NOXRED1: variants seen among roughly 807,000 people sequenced by gnomAD.
The protein encoded by NOXRED1 is NADP dependent oxidoreductase domain containing 1.
A neutral mutation model predicts 30.4 loss-of-function variants in NOXRED1; 20 were observed. The ratio of observed to expected loss-of-function variants is 0.66; its 90% CI spans 0.46 to 0.96. The LOEUF is 0.96. Among genes scored for constraint, NOXRED1 ranks in the 40% least tolerant of loss-of-function variants. NOXRED1 has a pLI of 0.00. For missense variants in NOXRED1, 374 were observed against 428.0 expected, an observed-to-expected ratio of 0.87 and a Z score of 1.11; for synonymous variants, 155 against 168.0, an observed-to-expected ratio of 0.92 and a Z score of 0.60.
intron 1 of NOXRED1, among the ~76,000 whole-genome samples, chr14:77,419,408 T>C (rs548047494): frequency 6.7e-6 from 1 of 150,202 alleles, no homozygotes; most frequent in Non-Finnish European, 1.5e-5. Flanking sequence ...TTGCAAGAGA[T>C]AGTATTCTTG....
rs559763651 is a variant in NOXRED1 at position 77,412,049 on chromosome 14, C to T, written c.349+1885G>A. Among the ~76,000 whole-genome samples, 460 of 141,396 alleles carry T rather than the reference C, an allele frequency of 3.3e-3. 4 individuals are homozygous for T. The highest frequency in any genetic ancestry group is 0.012 in the African/African-American group (441 of 37,744). 92.8% of individuals were successfully genotyped at this position (141,396 alleles called of 152,430 possible). A position where few individuals can be genotyped will look rare whatever the true frequency, so the allele number is the denominator to read the frequency against. On this transcript the variant is annotated intron_variant, in intron 2 of 5. Transcript: ENST00000380835. ...GGCAGAGGTTGCAGTGAGCCGAGAT[C>T]GTGCTCTCCACGATCTGCACTCCAG...
intron 5 of NOXRED1, among the ~76,000 whole-genome samples, chr14:77,396,405 A>G (rs976581666): frequency 2.0e-5 from 3 of 151,954 alleles, no homozygotes; most frequent in Non-Finnish European, 2.9e-5. Flanking sequence ...ATGCACCACC[A>G]TGCCTGGCTA....
chr14:77,420,368 GT>G (rs67344054), intron 1 of NOXRED1, among the ~76,000 whole-genome samples: 1,818 of 149,078 alleles, frequency 0.012, 24 homozygotes, highest in South Asian at 0.038. Flanking sequence ...GATTTCATCA[GT>G]TTTTTTTTGT....
chr14:77,416,882 C>T (rs1452550326), intron 1 of NOXRED1, among the ~76,000 whole-genome samples: 7 of 151,532 alleles, frequency 4.6e-5, no homozygotes, highest in Non-Finnish European at 8.8e-5. Flanking sequence ...GGCAGAGGGG[C>T]TCCTCACCTC....
At chr14:77,417,980 T>A (rs1433247246) in intron 1 of NOXRED1, among the ~76,000 whole-genome samples, 2 of 152,060 alleles carry the variant, frequency 1.3e-5, no homozygotes, top group African/African-American at 4.8e-5. Flanking sequence ...ATCATAAAAA[T>A]AGTTGTAACA....
intron 5 of NOXRED1, among the ~76,000 whole-genome samples, chr14:77,399,997 C>A (rs778716655): frequency 1.3e-5 from 2 of 151,614 alleles, no homozygotes; most frequent in Non-Finnish European, 2.9e-5. Context: ...AACACCATAC[C>A]CATAGAAAAA....
Position 77,423,092 on chromosome 14 carries a change from T to C in NOXRED1, c.-203A>G, listed in dbSNP as rs181033714. ...TCTCTTGAATTCACACTCTAGAGTG[T>C]GAGTGTTTGAGGATTCCTAATCACT... On this transcript the variant is annotated 5_prime_UTR_variant, in exon 1 of 6. Coordinates refer to ENST00000380835, the MANE Select transcript of NOXRED1 (RefSeq NM_001113475.3). The C allele has an allele frequency of 2.2e-4, 114 of 528,046 alleles. 1 individual carries two copies. In the Admixed American group the frequency reaches 4.1e-3, roughly 19 times the overall value. The allele number at this position is 528,046 out of a possible 1,614,324, so 32.7% of individuals were successfully genotyped here. A position where few individuals can be genotyped will look rare whatever the true frequency, so the allele number is the denominator to read the frequency against.
At chr14:77,422,655 A>G (rs942276977) in intron 1 of NOXRED1, 80 bp downstream of exon 1, 2 of 1,417,540 alleles carry the variant, frequency 1.4e-6, no homozygotes, top group African/African-American at 1.4e-5. Flanking sequence ...TTACCCTCCA[A>G]TATAAAAAAA....
At chr14:77,395,129 G>C (rs1189015883) in intron 5 of NOXRED1, among the ~76,000 whole-genome samples, 2 of 130,592 alleles carry the variant, frequency 1.5e-5, no homozygotes, top group Non-Finnish European at 3.1e-5. Context: ...TTTTTGAGAT[G>C]GAGTCTTGCT....
chr14:77,408,165 G>A (rs1894534517), intron 2 of NOXRED1, among the ~76,000 whole-genome samples: 1 of 152,054 alleles, frequency 6.6e-6, no homozygotes, highest in African/African-American at 2.4e-5. Flanking sequence ...ACCACGCCTG[G>A]CCTATAATTC....
Position 77,414,091 on chromosome 14 carries a change from G to A in NOXRED1, c.192C>T (p.Leu64=). Residue 64 remains leucine (L), a synonymous_variant, in exon 2 of 6, where the codon CTC becomes CTT. Coordinates refer to ENST00000380835, the MANE Select transcript of NOXRED1 (RefSeq NM_001113475.3). ...TGGCTGAATTAAGGGAGCCAATTGA[G>A]AGATGTCTGGAACTTTGATTCTTAT... The part of the protein sequence containing the change: ...SLNKNQSSRH[L]SIGSLNSATP... 1 of 1,603,730 alleles carries A rather than the reference G, an allele frequency of 6.2e-7. No individual in the cohort carries two copies. Among genetic ancestry groups the A allele is most frequent in the Non-Finnish European group, 8.5e-7 (1 of 1,172,426 alleles).
chr14:77,420,796 T>C (rs1894974510), intron 1 of NOXRED1, among the ~76,000 whole-genome samples: 2 of 152,202 alleles, frequency 1.3e-5, no homozygotes, highest in South Asian at 4.1e-4. Flanking sequence ...GGGAAGATCT[T>C]TCCCAATCAG....
At chr14:77,423,717 G>A (rs900430604), upstream of NOXRED1, among the ~76,000 whole-genome samples, 9 of 152,144 alleles carry the variant, frequency 5.9e-5, no homozygotes, top group African/African-American at 2.2e-4. Flanking sequence ...TTTCCCAACA[G>A]AAGATTCTGG....
chr14:77,410,403 G>A (rs1055697938), intron 2 of NOXRED1, among the ~76,000 whole-genome samples: 1 of 152,018 alleles, frequency 6.6e-6, no homozygotes, highest in Non-Finnish European at 1.5e-5. Flanking sequence ...CCAGGAGTTC[G>A]AGACCAGCCT....
intron 5 of NOXRED1, among the ~76,000 whole-genome samples, chr14:77,401,773 A>C (rs1374471063): frequency 1.3e-5 from 2 of 152,214 alleles, no homozygotes; most frequent in Admixed American, 1.3e-4. Flanking sequence ...GAGGAGTAAC[A>C]CTACCCAACT....
Position 77,422,989 on chromosome 14 carries a change from GT to G in NOXRED1, c.-101del. On this transcript the variant is annotated 5_prime_UTR_variant, in exon 1 of 6. An upstream open reading frame in the 5' UTR loses its in-frame stop. Coordinates refer to ENST00000380835, the MANE Select transcript of NOXRED1 (RefSeq NM_001113475.3). ...GTAGGAGGTGTGTGTATGATGGTGT[GT>G]GTGCCCAGGTCACAAGCACTCATGA... The G allele has an allele frequency of 4.3e-6, 4 of 938,168 alleles. No homozygotes were observed. The highest frequency in any genetic ancestry group is 4.9e-6 in the Non-Finnish European group (3 of 609,836). The allele number at this position is 938,168 out of a possible 1,614,324, so 58.1% of individuals were successfully genotyped here.
At chr14:77,411,288 A>C in intron 2 of NOXRED1, among the ~76,000 whole-genome samples, 1 of 151,362 alleles carries the variant, frequency 6.6e-6, no homozygotes, top group South Asian at 2.1e-4. Context: ...GGCCAACATG[A>C]TGAAACACCA....
chr14:77,413,751 G>A (rs1894726315), intron 2 of NOXRED1, among the ~76,000 whole-genome samples, 183 bp downstream of exon 2: 1 of 152,102 alleles, frequency 6.6e-6, no homozygotes, highest in Non-Finnish European at 1.5e-5. Flanking sequence ...CATACATGGA[G>A]AAAAAAAGTC....
At chr14:77,405,069 G>A (rs1010592399) in intron 5 of NOXRED1, among the ~76,000 whole-genome samples, 3 of 152,124 alleles carry the variant, frequency 2.0e-5, no homozygotes, top group Admixed American at 6.6e-5. Context: ...ATATGCCACC[G>A]AAATACTGGT....
Sources: allele counts gnomAD v4.1 joint callset (sites outside exome capture counted in the v4.1 genomes callset), GRCh38; gene constraint gnomAD v4.1.1; transcripts MANE v1.5; gene names NCBI Gene and HGNC (gene_info 2026-07-23, HGNC 2026-07-21).